LSAMP: variants seen among roughly 807,000 people sequenced by gnomAD.
LSAMP encodes limbic system associated membrane protein, also known as limbic system-associated membrane protein.
In LSAMP, 7 loss-of-function variants were observed where a neutral mutation model predicts 38.6. The ratio of observed to expected loss-of-function variants is 0.18; its 90% CI spans 0.10 to 0.34. The LOEUF (loss-of-function observed/expected upper bound fraction) is 0.34, where lower values mean the gene tolerates loss of function less well. Ranked by LOEUF, LSAMP falls within the 10% of genes least tolerant of loss-of-function variation. The pLI, the probability that LSAMP is intolerant of heterozygous loss-of-function variation, is 1.00. For synonymous variants in LSAMP, 154 were observed against 166.8 expected (o/e 0.92, Z 0.59); for missense variants, 313 against 420.0 (o/e 0.75, Z 2.23).
chr3:115,899,033 G>C (rs1025280981), intron 3 of LSAMP, among the ~76,000 whole-genome samples: 5 of 152,058 alleles, frequency 3.3e-5, no homozygotes, highest in African/African-American at 1.2e-4. Flanking sequence ...AATCAGTTCA[G>C]TATCCAGAAC....
intron 2 of LSAMP, among the ~76,000 whole-genome samples, chr3:116,057,967 A>ACACACACACCCACACC (rs60594472): frequency 1.4e-5 from 2 of 147,542 alleles, no homozygotes; most frequent in Non-Finnish European, 3.0e-5. Context: ...CCACACACAC[A>ACACACACACCCACACC]CACACACACA....
chr3:116,164,760 A>ATTTTT lies in LSAMP; in HGVS notation c.156-78209_156-78205dup, dbSNP rs1553709491. 2.2e-3 allele frequency among the ~76,000 whole-genome samples: 206 copies of ATTTTT among 91,616 alleles called. 15 individuals are homozygous for ATTTTT. The highest frequency in any genetic ancestry group is 3.6e-3 in the Admixed American group (27 of 7,590). The allele number at this position is 91,616 out of a possible 152,430, so 60.1% of individuals were successfully genotyped here. ...TATATATCCATATATATATATATAT[A>ATTTTT]TTTTTTTTTTTTTTCAAGTAGCATC... On this transcript the variant is annotated intron_variant, in intron 1 of 6. Transcript: ENST00000490035.
chr3:115,997,920 T>A (rs922107464), intron 3 of LSAMP, among the ~76,000 whole-genome samples: 2 of 146,898 alleles, frequency 1.4e-5, no homozygotes, highest in Non-Finnish European at 3.0e-5. Flanking sequence ...TATATACATA[T>A]AATAGCTATA....
intron 3 of LSAMP, among the ~76,000 whole-genome samples, chr3:115,928,411 G>GA (rs1212702283): frequency 2.0e-5 from 3 of 152,286 alleles, no homozygotes; most frequent in African/African-American, 7.2e-5. Context: ...GATATGAAGA[G>GA]AAGACATTGA....
chr3:116,304,296 G>A (rs17645771), intron 1 of LSAMP, among the ~76,000 whole-genome samples: 7,991 of 152,076 alleles, frequency 0.053, 281 homozygotes, highest in Non-Finnish European at 0.079. Flanking sequence ...ATAGAGAGGC[G>A]GAAATATGTA....
intron 3 of LSAMP, among the ~76,000 whole-genome samples, chr3:116,018,060 A>G (rs990262742): frequency 2.6e-5 from 4 of 152,048 alleles, no homozygotes; most frequent in Non-Finnish European, 5.9e-5. Flanking sequence ...TCCTTTATAC[A>G]TATTTTTTTT....
intron 4 of LSAMP, among the ~76,000 whole-genome samples, chr3:115,851,880 A>G (rs1159188101): frequency 6.6e-6 from 1 of 152,114 alleles, no homozygotes; most frequent in Non-Finnish European, 1.5e-5. Flanking sequence ...CTTTCATCCG[A>G]GAAGTTCAAA....
chr3:116,256,530 G>C (rs1364384446), intron 1 of LSAMP, among the ~76,000 whole-genome samples: 1 of 152,138 alleles, frequency 6.6e-6, no homozygotes, highest in Non-Finnish European at 1.5e-5. Flanking sequence ...ACAGTCCATT[G>C]ATGATATAAT....
intron 1 of LSAMP, among the ~76,000 whole-genome samples, chr3:116,402,670 G>A (rs1302824678): frequency 2.0e-5 from 3 of 151,724 alleles, no homozygotes; most frequent in South Asian, 2.1e-4. Flanking sequence ...ATATATATGC[G>A]AGTATATGCA....
chr3:116,250,389 C>T (rs3195), intron 1 of LSAMP, among the ~76,000 whole-genome samples: 117,348 of 152,034 alleles, frequency 0.77, 45,848 homozygotes, highest in Non-Finnish European at 0.84. Flanking sequence ...ACATTTCCTT[C>T]ATTAAAGAGT....
intron 1 of LSAMP, among the ~76,000 whole-genome samples, chr3:116,222,312 C>T (rs536959754): frequency 1.4e-3 from 208 of 149,666 alleles, no homozygotes; most frequent in South Asian, 2.5e-3. Context: ...TTTTTAATGC[C>T]CACAGTGCTG....
rs181814944 is a variant in LSAMP at position 116,258,794 on chromosome 3, C to T, written c.156-172238G>A. ...AGATAGGCACATACTTCTAAAGTGA[C>T]CTCTTATGATTCGTATAGTCATACA... On this transcript the variant is annotated intron_variant, in intron 1 of 6. Transcript: ENST00000490035. 1.6e-4 allele frequency among the ~76,000 whole-genome samples: 24 copies of T among 152,198 alleles called. No homozygotes were observed. In the East Asian group the frequency reaches 4.1e-3, roughly 26 times the overall value.
intron 1 of LSAMP, among the ~76,000 whole-genome samples, chr3:116,442,280 T>C (rs1459164022): frequency 6.6e-6 from 1 of 152,024 alleles, no homozygotes; most frequent in Non-Finnish European, 1.5e-5. Context: ...ACCTCCCTTG[T>C]CTCCTGTTGC....
rs115663841 is a variant in LSAMP, at chr3:115,912,783, T to C, written c.515-60166A>G. Among the ~76,000 whole-genome samples the C allele has an allele frequency of 7.4e-3, 1,128 of 152,314 alleles. 12 individuals are homozygous for C. The highest frequency in any genetic ancestry group is 0.025 in the African/African-American group (1,034 of 41,558). ...CTTTTGGCTTTAGAAGGCAGGCTTT[T>C]GTTGAGGCTTCCTTTGTCTGTGTCC... On this transcript the variant is annotated intron_variant, in intron 3 of 6. Transcript: ENST00000490035.
chr3:116,013,481 T>A (rs1559920096), intron 3 of LSAMP, among the ~76,000 whole-genome samples: 1 of 152,208 alleles, frequency 6.6e-6, no homozygotes, highest in African/African-American at 2.4e-5. Flanking sequence ...AGATATTTTA[T>A]ACACACAAAC....
chr3:116,094,743 A>AAAAT (rs2107439514), intron 1 of LSAMP, among the ~76,000 whole-genome samples: 1 of 152,352 alleles, frequency 6.6e-6, no homozygotes, highest in East Asian at 1.9e-4. Context: ...CAAACAGTTT[A>AAAAT]GATCCTGAAG....
intron 1 of LSAMP, among the ~76,000 whole-genome samples, chr3:116,256,633 TCAAAATATCTGATCCTCTC>T (rs2046755097): frequency 6.6e-6 from 1 of 151,888 alleles, no homozygotes; most frequent in Admixed American, 6.5e-5. Context: ...GAAAGCATGC[TCAAAATATCTGATCCTCTC>T]TAAATTGCTG....
chr3:116,390,129 G>A lies in LSAMP; in HGVS notation c.155+54748C>T, dbSNP rs200459781. ...ATACTTAAATTATATATGTATGTAT[G>A]TATACACACACACACACACACACAC... On this transcript the variant is annotated intron_variant, in intron 1 of 6. Coordinates refer to ENST00000490035, the MANE Select transcript of LSAMP (RefSeq NM_002338.5). Among the ~76,000 whole-genome samples, 7 of 123,454 alleles carry A rather than the reference G, an allele frequency of 5.7e-5. No individual in the cohort carries two copies. In the South Asian group the frequency reaches 7.9e-4, roughly 14 times the overall value. The allele number at this position is 123,454 out of a possible 152,430, so 81.0% of individuals were successfully genotyped here.
rs1267183767 is a variant in LSAMP at position 115,803,599 on chromosome 3, A to G, written c.*6718T>C. ...CTGTCTTCAACTCTGTAACCTCCTA[A>G]ATTGTGTTTATTTTTGTTTTATTTT... On this transcript the variant is annotated 3_prime_UTR_variant, in exon 7 of 7. Transcript: ENST00000490035. 4 of 152,070 alleles carry G rather than the reference A, an allele frequency of 2.6e-5. No individual in the cohort carries two copies. Among genetic ancestry groups the G allele is most frequent in the African/African-American group, 9.7e-5 (4 of 41,400 alleles). The allele number at this position is 152,070 out of a possible 1,614,324, so 9.4% of individuals were successfully genotyped here.
Sources: allele counts gnomAD v4.1 joint callset (sites outside exome capture counted in the v4.1 genomes callset), GRCh38; gene constraint gnomAD v4.1.1; transcripts MANE v1.5; gene names NCBI Gene and HGNC (gene_info 2026-07-23, HGNC 2026-07-21).